Variants in BCAS4 observed in about 807,000 individuals in gnomAD.
BCAS4 encodes the protein breast carcinoma-amplified sequence 4.
BCAS4 carries 9 observed loss-of-function variants against 15.7 expected under a neutral mutation model. The observed-to-expected ratio is 0.57, with a 90% CI of 0.34 to 1.00. The LOEUF (loss-of-function observed/expected upper bound fraction) is 1.00. BCAS4 is among the 50% of genes least tolerant of loss of function. BCAS4 has a pLI of 0.02. For missense variants in BCAS4, 225 were observed against 239.1 expected (o/e 0.94, Z 0.39); for synonymous variants, 101 against 99.5 (o/e 1.02, Z -0.09).
At chr20:50,844,930 C>G (rs2088525517) in intron 4 of BCAS4, among the ~76,000 whole-genome samples, 1 of 152,176 alleles carries the variant, frequency 6.6e-6, no homozygotes, top group Non-Finnish European at 1.5e-5. Context: ...CTTGGCCCCA[C>G]AAGGGCTTTG....
chr20:50,854,897 G>A (rs1405615330), intron 4 of BCAS4, among the ~76,000 whole-genome samples: 2 of 152,190 alleles, frequency 1.3e-5, no homozygotes, highest in African/African-American at 4.8e-5. Flanking sequence ...CATGGATCTC[G>A]CCTGCAGGAA....
At chr20:50,863,055 T>C (rs907135430) in intron 4 of BCAS4, among the ~76,000 whole-genome samples, 2 of 151,936 alleles carry the variant, frequency 1.3e-5, no homozygotes, top group Non-Finnish European at 2.9e-5. Flanking sequence ...GGTCTCGAAC[T>C]CCTGAGCTCA....
chr20:50,817,766 C>G (rs943919799), intron 1 of BCAS4, among the ~76,000 whole-genome samples: 1 of 151,986 alleles, frequency 6.6e-6, no homozygotes, highest in East Asian at 1.9e-4. Context: ...GCTTGCTTTT[C>G]CTCTCCGGGG....
chr20:50,850,396 A>ACCT (rs1978344301), intron 4 of BCAS4, among the ~76,000 whole-genome samples: 1 of 151,994 alleles, frequency 6.6e-6, no homozygotes, highest in Admixed American at 6.6e-5. Flanking sequence ...GTGTGTCTCT[A>ACCT]CCTCCCTCTG....
At chr20:50,825,811 A>T (rs1198399638) in intron 2 of BCAS4, among the ~76,000 whole-genome samples, 4 of 152,118 alleles carry the variant, frequency 2.6e-5, no homozygotes, top group African/African-American at 9.7e-5. Flanking sequence ...TAGGAGGCAG[A>T]GGTTGCAGTG....
intron 1 of BCAS4, among the ~76,000 whole-genome samples, chr20:50,816,559 C>CCAG (rs2123771210): frequency 6.6e-6 from 1 of 152,300 alleles, no homozygotes; most frequent in South Asian, 2.1e-4. Flanking sequence ...CAGCTAGTGG[C>CCAG]CAGCAGCTGG....
intron 4 of BCAS4, among the ~76,000 whole-genome samples, chr20:50,848,307 A>G (rs2088572441): frequency 6.6e-6 from 1 of 152,184 alleles, no homozygotes; most frequent in Non-Finnish European, 1.5e-5. Flanking sequence ...CTGAGGGGTC[A>G]GGAGTGGCCT....
intron 2 of BCAS4, among the ~76,000 whole-genome samples, chr20:50,828,959 G>A (rs1024628605): frequency 6.6e-6 from 1 of 152,148 alleles, no homozygotes; most frequent in Non-Finnish European, 1.5e-5. Flanking sequence ...AAGGACCATC[G>A]TCTTGCACCA....
At chr20:50,796,474 TATATATATATATA>T (rs1406524672) in intron 1 of BCAS4, among the ~76,000 whole-genome samples, 77 of 13,480 alleles carry the variant, frequency 5.7e-3, no homozygotes, top group African/African-American at 0.019. Flanking sequence ...TATATATATA[TATATATATATATA>T]TTTTTTTTTT....
At chr20:50,880,032 G>A (rs1455093012), downstream of BCAS4, 2 of 152,350 alleles carry the variant, frequency 1.3e-5, no homozygotes, top group African/African-American at 2.4e-5. Context: ...AGCGGCATCC[G>A]AGGGCCTGAA....
intron 1 of BCAS4, among the ~76,000 whole-genome samples, chr20:50,816,144 G>A (rs534229197): frequency 3.4e-4 from 52 of 152,308 alleles, no homozygotes; most frequent in African/African-American, 1.3e-3. Flanking sequence ...TCCTGCCTCA[G>A]CCTCCTGAGT....
intron 3 of BCAS4, among the ~76,000 whole-genome samples, chr20:50,836,936 T>G (rs903175248): frequency 7.2e-5 from 11 of 152,136 alleles, no homozygotes; most frequent in African/African-American, 1.9e-4. Context: ...CTTGAACTCC[T>G]GGGTCAAGCA....
chr20:50,819,995 C>T (rs1473851738), intron 2 of BCAS4, among the ~76,000 whole-genome samples: 1 of 152,156 alleles, frequency 6.6e-6, no homozygotes, highest in Admixed American at 6.5e-5. Flanking sequence ...GGATTACAAG[C>T]ATGCACCACC....
chr20:50,820,168 A>G (rs2088196305), intron 2 of BCAS4, among the ~76,000 whole-genome samples: 1 of 152,134 alleles, frequency 6.6e-6, no homozygotes, highest in African/African-American at 2.4e-5. Context: ...TTTCTCATGA[A>G]TGGGCCCCGT....
chr20:50,869,347 T>C (rs1172031237), intron 4 of BCAS4, among the ~76,000 whole-genome samples: 1 of 152,142 alleles, frequency 6.6e-6, no homozygotes, highest in Non-Finnish European at 1.5e-5. Flanking sequence ...GCCCAGGCTC[T>C]GGTGGGGCTG....
At chr20:50,852,732 CTGA>C (rs1317442373) in intron 4 of BCAS4, among the ~76,000 whole-genome samples, 1 of 152,208 alleles carries the variant, frequency 6.6e-6, no homozygotes, top group Non-Finnish European at 1.5e-5. Context: ...GTGAAATCAA[CTGA>C]TTTTGAAAAC....
Position 50,876,814 on chromosome 20 carries a change from G to T in BCAS4, c.*206G>T, listed in dbSNP as rs562161585. The stretch of plus-strand genomic sequence containing the variant: ...CCACCTTGGCCTTCCAAAGTGGTGG[G>T]ATTATGGGCAGGAGCCTCCGTGCCC... On this transcript the variant is annotated 3_prime_UTR_variant, in exon 5 of 5. Transcript: ENST00000371608. 3.6e-6 allele frequency: 2 copies of T among 547,976 alleles called. No homozygotes were observed. The highest frequency in any genetic ancestry group is 5.4e-6 in the Non-Finnish European group (2 of 369,040). 33.9% of individuals were successfully genotyped at this position (547,976 alleles called of 1,614,324 possible).
In BCAS4 at chr20:50,798,523, A is replaced by C. The variant is rs142763615; in HGVS notation, c.90+3350A>C. On this transcript the variant is annotated intron_variant, in intron 1 of 4. Transcript: ENST00000371608. ...GGCCCCCGTCTCTAGTTAATAAAAAAATAAAAATAAAAAGCATATCCAAAA... is the reference window on the plus strand; with the variant it reads ...GGCCCCCGTCTCTAGTTAATAAAAACATAAAAATAAAAAGCATATCCAAAA... 3.4e-4 allele frequency among the ~76,000 whole-genome samples: 52 copies of C among 152,242 alleles called. No homozygotes were observed. The East Asian group carries it at 4.4e-3, about 13-fold the overall frequency.
intron 1 of BCAS4, among the ~76,000 whole-genome samples, chr20:50,801,951 G>T (rs1023385186): frequency 6.6e-6 from 1 of 152,028 alleles, no homozygotes; most frequent in Non-Finnish European, 1.5e-5. Context: ...GGGGTGTGGG[G>T]GGAGGTAGAC....
Sources: gnomAD v4.1 joint callset for allele counts (sites outside exome capture counted in the v4.1 genomes callset) on GRCh38, gnomAD v4.1.1 for gene constraint, MANE v1.5 for transcripts, NCBI Gene and HGNC (gene_info 2026-07-23, HGNC 2026-07-21) for gene names.